CCNYL1: variants seen among roughly 807,000 people sequenced by gnomAD.
CCNYL1 encodes the protein cyclin-Y-like protein 1.
A neutral mutation model predicts 44.2 loss-of-function variants in CCNYL1; 16 were observed. That is an observed-to-expected ratio of 0.36 (90% confidence interval 0.25 to 0.55). The LOEUF (loss-of-function observed/expected upper bound fraction) is 0.55. CCNYL1 is among the 20% of genes least tolerant of loss of function. The probability of loss-of-function intolerance (pLI) is 0.85; values close to 1 mark genes in which losing one functional copy is unlikely to be tolerated. For synonymous variants in CCNYL1, 159 were observed against 163.2 expected (o/e 0.97, Z 0.20); for missense variants, 348 against 451.8 (o/e 0.77, Z 2.08).
intron 3 of CCNYL1, among the ~76,000 whole-genome samples, chr2:207,732,627 C>G (rs943555417): frequency 6.6e-6 from 1 of 151,316 alleles, no homozygotes; most frequent in African/African-American, 2.4e-5. Flanking sequence ...TATTAGTATT[C>G]TGTGGTTTTA....
At chr2:207,712,342 T>C (rs972148734) in intron 1 of CCNYL1, among the ~76,000 whole-genome samples, 1 of 152,242 alleles carries the variant, frequency 6.6e-6, no homozygotes, top group African/African-American at 2.4e-5. Flanking sequence ...TGCTCCCGCT[T>C]CCCATTCTCC....
At chr2:207,713,280 G>A (rs1240934847) in intron 1 of CCNYL1, among the ~76,000 whole-genome samples, 2 of 152,200 alleles carry the variant, frequency 1.3e-5, no homozygotes, top group Admixed American at 6.5e-5. Flanking sequence ...AAGAGACAAA[G>A]TATAAATTTA....
At position 207,712,123 on chromosome 2, in the gene CCNYL1, A is replaced by G; in HGVS notation, c.220+7A>G. On this transcript the variant is annotated splice_region_variant and intron_variant, in intron 1 of 9. Transcript: ENST00000295414. ...GACCGCGAGATGCCCGAAGGTAAGGAGGCGGCGGATGCCATCCGCCCTCGG... is the reference window on the plus strand; with the variant it reads ...GACCGCGAGATGCCCGAAGGTAAGGGGGCGGCGGATGCCATCCGCCCTCGG... 1 of 1,593,286 alleles carries G rather than the reference A, an allele frequency of 6.3e-7. No individual in the cohort carries two copies. The highest frequency in any genetic ancestry group is 1.1e-5 in the South Asian group (1 of 90,372).
rs139358034 is a variant in CCNYL1 at position 207,715,624 on chromosome 2, G to T, written c.220+3508G>T. 1.3e-3 allele frequency among the ~76,000 whole-genome samples: 195 copies of T among 149,730 alleles called. 2 individuals are homozygous for T. The East Asian group carries it at 0.036, about 28-fold the overall frequency. ...CGAACTCCTGACCTCAAGCGATCCA[G>T]CTGCCTTGGCCTCCCAAAGTGCTGG... On this transcript the variant is annotated intron_variant, in intron 1 of 9. Transcript: ENST00000295414.
intron 1 of CCNYL1, among the ~76,000 whole-genome samples, chr2:207,713,035 C>T (rs2091563969): frequency 6.6e-6 from 1 of 152,128 alleles, no homozygotes; most frequent in Non-Finnish European, 1.5e-5. Context: ...AGGCTGGTCT[C>T]TAACTCCAGA....
rs557109991 is a variant in CCNYL1 at position 207,754,922 on chromosome 2, G to C, written c.*1224G>C. Reference sequence around the variant, plus strand: ...AATGAAGCTGGGTGTGGTGGTGCACGCCTATAGTCCCAGCTACTTGGGAGG... The same window carrying C: ...AATGAAGCTGGGTGTGGTGGTGCACCCCTATAGTCCCAGCTACTTGGGAGG... On this transcript the variant is annotated 3_prime_UTR_variant, in exon 10 of 10. Coordinates refer to ENST00000295414, the MANE Select transcript of CCNYL1 (RefSeq NM_001330218.2). 3.9e-5 allele frequency: 6 copies of C among 152,084 alleles called. No homozygotes were observed. The highest frequency in any genetic ancestry group is 1.4e-4 in the African/African-American group (6 of 41,438). 9.4% of individuals were successfully genotyped at this position (152,084 alleles called of 1,614,324 possible). A position where few individuals can be genotyped will look rare whatever the true frequency, so the allele number is the denominator to read the frequency against.
intron 3 of CCNYL1, among the ~76,000 whole-genome samples, chr2:207,729,074 G>A (rs904278754): frequency 1.3e-5 from 2 of 152,168 alleles, no homozygotes; most frequent in Admixed American, 6.5e-5. Flanking sequence ...TGGGATTACA[G>A]GCATGAGCCA....
At chr2:207,735,260 G>A (rs2091756505) in intron 4 of CCNYL1, among the ~76,000 whole-genome samples, 1 of 152,306 alleles carries the variant, frequency 6.6e-6, no homozygotes, top group East Asian at 1.9e-4. Context: ...TCACAAGTAT[G>A]GCAAATTGAC....
intron 4 of CCNYL1, among the ~76,000 whole-genome samples, 157 bp from the exon 5 acceptor site, chr2:207,737,254 A>G (rs753558679): frequency 2.0e-5 from 3 of 152,170 alleles, no homozygotes; most frequent in African/African-American, 2.4e-5. Context: ...GCTGAAAGGA[A>G]CTAAAACAAG....
At chr2:207,745,814 T>A (rs368693072) in intron 7 of CCNYL1, among the ~76,000 whole-genome samples, 54 of 152,270 alleles carry the variant, frequency 3.5e-4, no homozygotes, top group African/African-American at 1.3e-3. Context: ...CCAGGCGTGC[T>A]GGCGGGTGCT....
chr2:207,729,704 C>G (rs527791308), intron 3 of CCNYL1, among the ~76,000 whole-genome samples: 7 of 151,926 alleles, frequency 4.6e-5, no homozygotes, highest in Admixed American at 2.0e-4. Flanking sequence ...CCTGTCCTAT[C>G]CTTTCCTTTG....
At chr2:207,735,358 G>T (rs559182019) in intron 4 of CCNYL1, among the ~76,000 whole-genome samples, 4 of 152,090 alleles carry the variant, frequency 2.6e-5, no homozygotes, top group African/African-American at 9.7e-5. Context: ...AATCACTTAC[G>T]CAACTTTTTT....
intron 1 of CCNYL1, among the ~76,000 whole-genome samples, chr2:207,718,707 T>C (rs1331026526): frequency 6.6e-6 from 1 of 152,038 alleles, no homozygotes; most frequent in Non-Finnish European, 1.5e-5. Flanking sequence ...CTGCGAAGAG[T>C]TGCATTCGTG....
chr2:207,713,215 C>T (rs536942147), intron 1 of CCNYL1, among the ~76,000 whole-genome samples: 33 of 152,342 alleles, frequency 2.2e-4, no homozygotes, highest in African/African-American at 7.0e-4. Flanking sequence ...TAACAGACTT[C>T]AATACCTCCT....
intron 7 of CCNYL1, among the ~76,000 whole-genome samples, chr2:207,746,366 C>T (rs1282621427): frequency 6.6e-6 from 1 of 152,178 alleles, no homozygotes; most frequent in Non-Finnish European, 1.5e-5. Flanking sequence ...ATATAGCTAC[C>T]TGTAAAATTA....
intron 1 of CCNYL1, among the ~76,000 whole-genome samples, chr2:207,719,279 C>T (rs2091621420): frequency 6.8e-6 from 1 of 147,240 alleles, no homozygotes; most frequent in Non-Finnish European, 1.5e-5. Flanking sequence ...ATTTATTGTG[C>T]ATTATGTGGT....
In CCNYL1 at chr2:207,712,670, A is replaced by G. The variant is rs13427224; in HGVS notation, c.220+554A>G. ...AATAGAGGTTGCCATAGGAGACACT[A>G]TATGGTATTCCTAATAGGTTAAGTC... On this transcript the variant is annotated intron_variant, in intron 1 of 9. Coordinates refer to ENST00000295414, the MANE Select transcript of CCNYL1 (RefSeq NM_001330218.2). 7.8e-3 allele frequency among the ~76,000 whole-genome samples: 1,184 copies of G among 152,286 alleles called. 12 individuals are homozygous for G. Among genetic ancestry groups the G allele is most frequent in the African/African-American group, 0.026 (1,094 of 41,560 alleles).
chr2:207,721,733 T>C (rs953667616), intron 1 of CCNYL1, among the ~76,000 whole-genome samples: 2 of 142,392 alleles, frequency 1.4e-5, no homozygotes, highest in Non-Finnish European at 1.5e-5. Context: ...AGGAGTTTTT[T>C]GTTTTTTTTT....
At chr2:207,718,734 G>C (rs1309767425) in intron 1 of CCNYL1, among the ~76,000 whole-genome samples, 1 of 152,230 alleles carries the variant, frequency 6.6e-6, no homozygotes, top group African/African-American at 2.4e-5. Flanking sequence ...TGGTTAAAAT[G>C]TAAGGTGGTT....
Sources: allele counts gnomAD v4.1 joint callset (sites outside exome capture counted in the v4.1 genomes callset), GRCh38; gene constraint gnomAD v4.1.1; transcripts MANE v1.5; gene names NCBI Gene and HGNC (gene_info 2026-07-23, HGNC 2026-07-21).